NPR3: variants seen among roughly 807,000 people sequenced by gnomAD.
NPR3 encodes the protein natriuretic peptide receptor 3.
NPR3 carries 34 observed loss-of-function variants against 54.5 expected under a neutral mutation model. The observed-to-expected ratio is 0.62, with a 90% confidence interval of 0.47 to 0.83. The LOEUF (loss-of-function observed/expected upper bound fraction) is 0.83. Among genes scored for constraint, NPR3 ranks in the 40% least tolerant of loss-of-function variants. The probability of loss-of-function intolerance (pLI) is 0.00; values close to 1 mark genes in which losing one functional copy is unlikely to be tolerated. For synonymous variants in NPR3, 289 were observed against 297.1 expected (o/e 0.97, Z 0.28); for missense variants, 674 against 720.8 (o/e 0.94, Z 0.74).
intron 1 of NPR3, among the ~76,000 whole-genome samples, chr5:32,696,190 G>A (rs144916444): frequency 5.3e-5 from 8 of 152,206 alleles, no homozygotes; most frequent in Admixed American, 4.6e-4. Context: ...TGAGAGATAG[G>A]GTTTTAGTTT....
At chr5:32,736,451 C>T (rs187669442) in intron 2 of NPR3, among the ~76,000 whole-genome samples, 1 of 152,220 alleles carries the variant, frequency 6.6e-6, no homozygotes, top group East Asian at 1.9e-4. Flanking sequence ...TTTCCCTTCC[C>T]CTGGAGAGAA....
chr5:32,784,769 C>A, intron 6 of NPR3, 27 bp from the exon 7 acceptor site: 1 of 1,575,816 alleles, frequency 6.3e-7, no homozygotes, highest in South Asian at 1.1e-5. Flanking sequence ...CCAAATGAAC[C>A]CTGATTATCC....
intron 6 of NPR3, 182 bp downstream of exon 6, chr5:32,783,210 A>G: frequency 1.9e-6 from 1 of 513,006 alleles, no homozygotes; most frequent in Non-Finnish European, 3.4e-6. Flanking sequence ...CTTCCCTTCC[A>G]GTCTTCTCTT....
chr5:32,727,369 C>G (rs1739191170), intron 2 of NPR3, among the ~76,000 whole-genome samples: 1 of 152,196 alleles, frequency 6.6e-6, no homozygotes, highest in Admixed American at 6.5e-5. Flanking sequence ...CTCAAGTGAT[C>G]TGCCTGCCTC....
chr5:32,762,911 C>T, intron 3 of NPR3, among the ~76,000 whole-genome samples: 1 of 152,168 alleles, frequency 6.6e-6, no homozygotes, highest in East Asian at 1.9e-4. Context: ...TTGCCCATGC[C>T]TATGTCCTGA....
intron 1 of NPR3, among the ~76,000 whole-genome samples, chr5:32,703,359 G>A (rs1737880028): frequency 6.6e-6 from 1 of 151,962 alleles, no homozygotes; most frequent in Admixed American, 6.6e-5. Flanking sequence ...GGCTGAGCTG[G>A]CACTTAAGCT....
chr5:32,748,433 A>AGCAT (rs113847641), intron 3 of NPR3, among the ~76,000 whole-genome samples: 45,612 of 151,958 alleles, frequency 0.3, 6,928 homozygotes, highest in African/African-American at 0.34. Flanking sequence ...AACAGCAGAA[A>AGCAT]GCATTACCAC....
At chr5:32,765,600 T>C (rs950715945) in intron 3 of NPR3, among the ~76,000 whole-genome samples, 26 of 152,284 alleles carry the variant, frequency 1.7e-4, no homozygotes, top group African/African-American at 6.0e-4. Context: ...AGGGAGCTTG[T>C]GCAGTATCGG....
At position 32,788,831 on chromosome 5, in the gene NPR3, C is replaced by T. The variant is rs958380516; in HGVS notation, c.*2486C>T. The T allele has an allele frequency of 3.9e-5, 6 of 152,170 alleles. No individual in the cohort carries two copies. Among genetic ancestry groups the T allele is most frequent in the African/African-American group, 1.4e-4 (6 of 41,434 alleles). The allele number at this position is 152,170 out of a possible 1,614,324, so 9.4% of individuals were successfully genotyped here. ...TCAATTCTTATGTTAATATTGATTG[C>T]TTATTTACATGTCAGTCATCTACTT... On this transcript the variant is annotated 3_prime_UTR_variant, in exon 8 of 8. Transcript: ENST00000265074.
At chr5:32,708,100 T>C (rs914219307), upstream of NPR3, among the ~76,000 whole-genome samples, 6 of 151,820 alleles carry the variant, frequency 4.0e-5, no homozygotes, top group Middle Eastern at 3.2e-3. Context: ...TTCTGAAATA[T>C]CCTGTTTAGA....
chr5:32,700,498 C>G (rs1174157998), intron 1 of NPR3, among the ~76,000 whole-genome samples: 2 of 151,980 alleles, frequency 1.3e-5, no homozygotes, highest in African/African-American at 4.8e-5. Flanking sequence ...CTGCACCCAT[C>G]AACTCATCAT....
At chr5:32,726,019 C>T (rs1391652977) in intron 2 of NPR3, among the ~76,000 whole-genome samples, 5 of 152,132 alleles carry the variant, frequency 3.3e-5, no homozygotes, top group South Asian at 2.1e-4. Context: ...GACATTTCTC[C>T]CCCAAATGTG....
chr5:32,787,930 C>T lies in NPR3; in HGVS notation c.*1585C>T, dbSNP rs2112085309. 1 of 152,266 alleles carries T rather than the reference C, an allele frequency of 6.6e-6. No homozygotes were observed. Among genetic ancestry groups the T allele is most frequent in the South Asian group, 2.1e-4 (1 of 4,824 alleles). 9.4% of individuals were successfully genotyped at this position (152,266 alleles called of 1,614,324 possible). A position where few individuals can be genotyped will look rare whatever the true frequency, so the allele number is the denominator to read the frequency against. ...AATTGTCTTAATATCTATTAAAAGG[C>T]ATGTCTAGTGAGGAAACAGGAGAGT... On this transcript the variant is annotated 3_prime_UTR_variant, in exon 8 of 8. Transcript: ENST00000265074.
chr5:32,741,063 A>ATTTTTTTTTTTTTTTTTTTT (rs1214227918), intron 3 of NPR3, among the ~76,000 whole-genome samples: 1 of 151,496 alleles, frequency 6.6e-6, no homozygotes, highest in East Asian at 1.9e-4. Context: ...GTTCATATTA[A>ATTTTTTTTTTTTTTTTTTTT]TTTTATGGTT....
intron 2 of NPR3, among the ~76,000 whole-genome samples, chr5:32,730,660 G>A (rs565969172): frequency 1.6e-3 from 244 of 152,186 alleles, no homozygotes; most frequent in African/African-American, 5.7e-3. Flanking sequence ...AAAATCACTT[G>A]TGTTTCTATA....
rs181805763 is a variant in NPR3, at chr5:32,715,804, T to C, written c.769+3259T>C. On this transcript the variant is annotated intron_variant, in intron 1 of 7. Transcript: ENST00000265074. Reference sequence around the variant, plus strand: ...AGAAGTATCCTAACGCAAATGTTTTTATGTGAAGAACTGTAGTTTTATCCT... The same window carrying C: ...AGAAGTATCCTAACGCAAATGTTTTCATGTGAAGAACTGTAGTTTTATCCT... Among the ~76,000 whole-genome samples the C allele has an allele frequency of 3.9e-3, 588 of 152,380 alleles. 4 individuals carry two copies. The highest frequency in any genetic ancestry group is 0.014 in the African/African-American group (565 of 41,592).
In NPR3 at chr5:32,766,920, C is replaced by A. The variant is rs144105885; in HGVS notation, c.1060-7788C>A. 5.0e-4 allele frequency among the ~76,000 whole-genome samples: 76 copies of A among 152,324 alleles called. 1 individual carries two copies. The highest frequency in any genetic ancestry group is 1.7e-3 in the African/African-American group (72 of 41,554). On this transcript the variant is annotated intron_variant, in intron 3 of 7. Coordinates refer to ENST00000265074, the MANE Select transcript of NPR3 (RefSeq NM_001204375.2). ...CTGTTGTTAGCTGTTGGTTTAAAGA[C>A]CAGGTTGAGATGAGGGACAATTAGC...
rs369440509 is a variant in NPR3 at position 32,786,301 on chromosome 5, G to T, written c.1582G>T (p.Glu528Ter). 7.5e-6 allele frequency: 12 copies of T among 1,589,604 alleles called. No homozygotes were observed. Among genetic ancestry groups the T allele is most frequent in the Non-Finnish European group, 1.0e-5 (12 of 1,161,952 alleles). ...QEESNLGKHR[E>*]LREDSIRSHF... Reference sequence around the variant, plus strand: ...AGAAAGTAACCTTGGAAAACATCGGGAATTACGGGAAGATTCCATCAGATC... The same window carrying T: ...AGAAAGTAACCTTGGAAAACATCGGTAATTACGGGAAGATTCCATCAGATC... The change falls in exon 8 of 8, where the codon GAA becomes TAA. Residue 528 changes from glutamate to a stop codon, truncating the protein, a stop_gained. Coordinates refer to ENST00000265074, the MANE Select transcript of NPR3 (RefSeq NM_001204375.2). LOFTEE classifies it high-confidence loss of function.
At chr5:32,774,970 C>T in intron 4 of NPR3, 127 bp downstream of exon 4, 1 of 726,960 alleles carries the variant, frequency 1.4e-6, no homozygotes, top group Non-Finnish European at 2.4e-6. Context: ...TAAAGCAGCC[C>T]ATCTCATAGG....
Sources: allele counts gnomAD v4.1 joint callset (sites outside exome capture counted in the v4.1 genomes callset), GRCh38; gene constraint gnomAD v4.1.1; transcripts MANE v1.5; gene names NCBI Gene and HGNC (gene_info 2026-07-23, HGNC 2026-07-21).